Variants in ZAN observed in about 807,000 individuals in gnomAD.
The protein encoded by ZAN is zonadhesin (gene/pseudogene).
A neutral mutation model predicts 286.2 loss-of-function variants in ZAN; 260 were observed. The observed-to-expected ratio is 0.91, with a 90% CI of 0.82 to 1.01. The LOEUF (loss-of-function observed/expected upper bound fraction) is 1.01. ZAN is among the 50% of genes least tolerant of loss of function. The pLI, the probability that ZAN is intolerant of heterozygous loss-of-function variation, is 0.00. For missense variants in ZAN, 3,410 were observed against 3,639.2 expected (o/e 0.94, Z 1.62); for synonymous variants, 1,368 against 1,417.5 (o/e 0.97, Z 0.79).
rs1811762562 is a variant in ZAN at position 100,789,071 on chromosome 7, G to A, written c.7228-147G>A. Reference sequence around the variant, plus strand: ...CGGACCTCACAGAGGTTTCTGCCACGTGAATAGCAAAGCCCATTGGGGTAT... The same window carrying A: ...CGGACCTCACAGAGGTTTCTGCCACATGAATAGCAAAGCCCATTGGGGTAT... On this transcript the variant is annotated intron_variant, in intron 38 of 47. Transcript: ENST00000613979. The A allele has an allele frequency of 9.0e-6, 11 of 1,217,622 alleles. No individual in the cohort carries two copies. In the South Asian group the frequency reaches 1.4e-4, roughly 15 times the overall value. The allele number at this position is 1,217,622 out of a possible 1,614,324, so 75.4% of individuals were successfully genotyped here. A position where few individuals can be genotyped will look rare whatever the true frequency, so the allele number is the denominator to read the frequency against.
At chr7:100,781,119 G>C (rs954610624) in intron 35 of ZAN, among the ~76,000 whole-genome samples, 3 of 152,160 alleles carry the variant, frequency 2.0e-5, no homozygotes, top group Middle Eastern at 3.4e-3. Context: ...CCAGGCTGGA[G>C]TGCAGTGGTG....
chr7:100,771,778 G>T, intron 28 of ZAN, 66 bp from the exon 29 acceptor site: 1 of 1,514,554 alleles, frequency 6.6e-7, no homozygotes, highest in Non-Finnish European at 8.9e-7. Flanking sequence ...CAGCCCCAGG[G>T]AAGCCACATG....
At position 100,792,245 on chromosome 7, in the gene ZAN, G is replaced by A. The variant is rs1812025824; in HGVS notation, c.7712+97G>A. On this transcript the variant is annotated intron_variant, in intron 41 of 47. Transcript: ENST00000613979. ...CCGCTTCCTGACCCAAGCTCTGTGT[G>A]GTTCACTCCTCCGTTCTCCCTGTGG... 15 of 1,496,004 alleles carry A rather than the reference G, an allele frequency of 1.0e-5. No homozygotes were observed. The South Asian group carries it at 2.0e-4, about 20-fold the overall frequency. 92.7% of individuals were successfully genotyped at this position (1,496,004 alleles called of 1,614,324 possible). A position where few individuals can be genotyped will look rare whatever the true frequency, so the allele number is the denominator to read the frequency against.
Position 100,752,410 on chromosome 7 carries a change from T to TCC in ZAN, c.2308_2309dup (p.Glu771GlnfsTer231), listed in dbSNP as rs1808783068. The TCC allele has an allele frequency of 8.7e-7, 1 of 1,151,170 alleles. No individual in the cohort carries two copies. Among genetic ancestry groups the TCC allele is most frequent in the Admixed American group, 3.0e-5 (1 of 33,552 alleles). The allele number at this position is 1,151,170 out of a possible 1,614,324, so 71.3% of individuals were successfully genotyped here. ...CACCCCCACAGAAAAACCCACCATCTCCCCAGAAAAACTCACCATCCCCAC... is the reference window on the plus strand; with the variant it reads ...CACCCCCACAGAAAAACCCACCATCTCCCCCCAGAAAAACTCACCATCCCCAC... On this transcript the variant is annotated frameshift_variant, in exon 14 of 48. Coordinates refer to ENST00000613979, the MANE Select transcript of ZAN (RefSeq NM_003386.3). LOFTEE classifies it high-confidence loss of function.
chr7:100,792,625 A>T, intron 42 of ZAN, 146 bp downstream of exon 42: 1 of 1,454,634 alleles, frequency 6.9e-7, no homozygotes, highest in African/African-American at 1.4e-5. Flanking sequence ...CCATTGCCTC[A>T]TCTCGGGCTT....
rs183753487 is a variant in ZAN, at chr7:100,752,877, G to C, written c.2772G>C (p.Thr924=). The C allele has an allele frequency of 6.8e-7, 1 of 1,475,110 alleles. No homozygotes were observed. Among genetic ancestry groups the C allele is most frequent in the East Asian group, 2.7e-5 (1 of 37,052 alleles). The allele number at this position is 1,475,110 out of a possible 1,614,324, so 91.4% of individuals were successfully genotyped here. ...TISTEKPTIP[T]EKPTIPTEET... ...CCACGGAAAAACCCACCATCCCCAC[G>C]GAAAAACCCACCATCCCCACTGAAG... Residue 924 remains threonine, a synonymous_variant, in exon 14 of 48, where the codon ACG becomes ACC. Transcript: ENST00000613979.
Position 100,788,046 on chromosome 7 carries a change from G to A in ZAN, c.7137G>A (p.Met2379Ile), listed in dbSNP as rs1811687949. ...TCCTCGTGGAAGGACGCAACAAGAT[G>A]GATCCGCCCAGGAGCTCCATCTTCT... is the stretch of plus-strand genomic sequence containing the variant. ...EPLLVEGRNKMDPPRSSIFLQ... is the reference protein window; with the variant it reads ...EPLLVEGRNKIDPPRSSIFLQ... Residue 2379 changes from methionine to isoleucine, a missense_variant, in exon 38 of 48, where the codon ATG becomes ATA. Coordinates refer to ENST00000613979, the MANE Select transcript of ZAN (RefSeq NM_003386.3). 1.3e-6 allele frequency: 2 copies of A among 1,568,286 alleles called. No homozygotes were observed. Among genetic ancestry groups the A allele is most frequent in the Non-Finnish European group, 1.7e-6 (2 of 1,148,914 alleles).
Position 100,767,004 on chromosome 7 carries a change from C to T in ZAN, c.4613-6C>T. ...GAGACTGTGAACTCCATCTTCTTCT[C>T]CACAGGTGCCGCCACCTGCACAGCC... On this transcript the variant is annotated splice_region_variant and splice_polypyrimidine_tract_variant and intron_variant, in intron 24 of 47. Transcript: ENST00000613979. 1 of 1,613,626 alleles carries T rather than the reference C, an allele frequency of 6.2e-7. No homozygotes were observed. The highest frequency in any genetic ancestry group is 1.7e-5 in the Admixed American group (1 of 59,990).
chr7:100,783,043 G>A (rs1294095268), intron 35 of ZAN, among the ~76,000 whole-genome samples: 1 of 152,132 alleles, frequency 6.6e-6, no homozygotes, highest in Non-Finnish European at 1.5e-5. Flanking sequence ...CGAGGTGGGC[G>A]GATCACCTGA....
At position 100,736,537 on chromosome 7, in the gene ZAN, C is replaced by G. The variant is rs1807303233; in HGVS notation, c.161C>G (p.Ser54Cys). ...EDDAKPLCDW[S>C]QVSADDEDWV... ...GACGCCAAACCCCTCTGTGACTGGT[C>G]CCAAGTGTCCGCAGACGATGAAGAC... The change falls in exon 4 of 48, where the codon TCC becomes TGC. Residue 54 changes from serine to cysteine, a missense_variant. Physicochemically the swap from Ser to Cys is moderately radical, Grantham distance 112. This residue lies in a region of ZAN where 872 missense variants were observed against 938.9 expected (regional missense o/e 0.93). Coordinates refer to ENST00000613979, the MANE Select transcript of ZAN (RefSeq NM_003386.3). 23 of 1,523,704 alleles carry G rather than the reference C, an allele frequency of 1.5e-5. 1 individual carries two copies. The highest frequency in any genetic ancestry group is 1.4e-4 in the African/African-American group (10 of 71,630). 94.4% of individuals were successfully genotyped at this position (1,523,704 alleles called of 1,614,324 possible).
rs2293767 is a variant in ZAN at position 100,764,052 on chromosome 7, G to A, written c.4123G>A (p.Ala1375Thr). 486,085 of 1,613,476 alleles carry A rather than the reference G, an allele frequency of 0.3. 75,101 individuals are homozygous for A. The highest frequency in any genetic ancestry group is 0.44 in the South Asian group (39,871 of 91,064). The change falls in exon 22 of 48, where the codon GCT (alanine) becomes ACT (threonine). Residue 1375 changes from alanine (A) to threonine (T), a missense_variant. By Grantham distance (58) the Ala-to-Thr change is moderately conservative. This residue lies in a region of ZAN where 1,042 missense variants were observed against 1,058.0 expected (regional missense o/e 0.98). Coordinates refer to ENST00000613979, the MANE Select transcript of ZAN (RefSeq NM_003386.3). ...GACATGCCTGCTGCACGTGAAGGCC[G>A]CTTCCTTCTTCGACAGCTGCATGCT... is the stretch of plus-strand genomic sequence containing the variant. Reference protein sequence around the residue: ...FETCLLHVKAASFFDSCMLDM... With the variant: ...FETCLLHVKATSFFDSCMLDM...
intron 7 of ZAN, among the ~76,000 whole-genome samples, chr7:100,738,995 CTCCT>C (rs1807552206): frequency 1.8e-5 from 1 of 57,070 alleles, no homozygotes; most frequent in Non-Finnish European, 4.1e-5. Flanking sequence ...CCCTCTCCTT[CTCCT>C]TCTCCTTCTT....
Position 100,762,415 on chromosome 7 carries a change from CT to C in ZAN, c.3986+58del, listed in dbSNP as rs371849145. ...GGAAGGTTCCGTCCCCTTCCTGGAA[CT>C]CTCTTTTTTTTTTTTTTTTTTTTTT... On this transcript the variant is annotated intron_variant, in intron 20 of 47. Coordinates refer to ENST00000613979, the MANE Select transcript of ZAN (RefSeq NM_003386.3). 43 of 1,048,266 alleles carry C rather than the reference CT, an allele frequency of 4.1e-5. No homozygotes were observed. In the African/African-American group the frequency reaches 7.1e-4, roughly 17 times the overall value. The allele number at this position is 1,048,266 out of a possible 1,614,324, so 64.9% of individuals were successfully genotyped here.
rs1260456440 is a variant in ZAN, at chr7:100,791,950, G to A, written c.7530-16G>A. ...CCTTGGGGCCTCACCTGACCCCGTG[G>A]CTGTCTCTACTGCAGGGCTATACCA... On this transcript the variant is annotated splice_polypyrimidine_tract_variant and intron_variant, in intron 40 of 47. Transcript: ENST00000613979. 6.2e-7 allele frequency: 1 copy of A among 1,601,540 alleles called. No homozygotes were observed. The highest frequency in any genetic ancestry group is 8.5e-7 in the Non-Finnish European group (1 of 1,173,442).
chr7:100,747,914 C>T (rs1404531728), intron 9 of ZAN, among the ~76,000 whole-genome samples: 2 of 151,414 alleles, frequency 1.3e-5, no homozygotes, highest in Non-Finnish European at 2.9e-5. Flanking sequence ...ATCACTTGAG[C>T]CCTGGAGGTC....
intron 7 of ZAN, among the ~76,000 whole-genome samples, chr7:100,738,870 TTCTTCTC>T (rs1562911214): frequency 1.8e-4 from 5 of 27,944 alleles, no homozygotes; most frequent in Admixed American, 4.9e-4. Flanking sequence ...CTTCCTCTTC[TTCTTCTC>T]CCTCTCCCTC....
intron 27 of ZAN, 127 bp from the exon 28 acceptor site, chr7:100,769,753 C>T (rs1810252216): frequency 5.2e-6 from 4 of 764,930 alleles, no homozygotes; most frequent in Non-Finnish European, 6.3e-6. Flanking sequence ...CACTATGTTG[C>T]CCAGGCTGGT....
rs561510292 is a variant in ZAN at position 100,757,159 on chromosome 7, G to GTT, written c.3310-1034_3310-1033dup. Among the ~76,000 whole-genome samples, 679 of 147,178 alleles carry GTT rather than the reference G, an allele frequency of 4.6e-3. 7 individuals are homozygous for GTT. The highest frequency in any genetic ancestry group is 0.015 in the African/African-American group (623 of 40,250). The stretch of plus-strand genomic sequence containing the variant: ...GTGTTTTTTTGGTTTGTTTTTTGGG[G>GTT]TTTTTTTTTTGGTAGAGATGGGGTC... On this transcript the variant is annotated intron_variant, in intron 15 of 47. Coordinates refer to ENST00000613979, the MANE Select transcript of ZAN (RefSeq NM_003386.3).
chr7:100,752,682 C>CCCCACAGAAAAACCCACCATT lies in ZAN; in HGVS notation c.2597_2598insTCCCACAGAAAAACCCACCAT (p.Pro860_Ile866dup), dbSNP rs1322449574. The CCCCACAGAAAAACCCACCATT allele has an allele frequency of 6.4e-7, 1 of 1,553,762 alleles. No individual in the cohort carries two copies. On this transcript the variant is annotated inframe_insertion, in exon 14 of 48. Coordinates refer to ENST00000613979, the MANE Select transcript of ZAN (RefSeq NM_003386.3). ...CCATCTCCACAGAAAAACCCACCAT[C>CCCCACAGAAAAACCCACCATT]CCCACAGAAAAACCCACCATCTCCC...
Sources: gnomAD v4.1 joint callset for allele counts (sites outside exome capture counted in the v4.1 genomes callset) on GRCh38, gnomAD v4.1.1 for gene constraint, gnomAD v4.1.1 regional missense constraint, MANE v1.5 for transcripts, NCBI Gene and HGNC (gene_info 2026-07-23, HGNC 2026-07-21) for gene names.